Variants in GSE1 observed in about 807,000 individuals in gnomAD.
The protein encoded by GSE1 is genetic suppressor element 1.
A neutral mutation model predicts 112.6 loss-of-function variants in GSE1; 32 were observed. That is an observed-to-expected ratio of 0.28 (90% CI 0.21 to 0.38). GSE1 has a LOEUF of 0.38. Among genes scored for constraint, GSE1 ranks in the 10% least tolerant of loss-of-function variants. The pLI, the probability that GSE1 is intolerant of heterozygous loss-of-function variation, is 1.00. For missense variants in GSE1, 2,348 were observed against 1,699.2 expected, an observed-to-expected ratio of 1.38 and a Z score of -6.71; for synonymous variants, 1,115 against 735.6, an observed-to-expected ratio of 1.52 and a Z score of -8.35.
chr16:85,538,472 C>A lies in GSE1; in HGVS notation c.2465-95442C>A, dbSNP rs573141526. 3.0e-4 allele frequency among the ~76,000 whole-genome samples: 45 copies of A among 152,306 alleles called. 1 individual carries two copies. In the South Asian group the frequency reaches 9.1e-3, roughly 31 times the overall value. ...ACAAATTCCCTTCAGTCCCCAGCAG[C>A]CTTTCACCTCCTGGCATGTACCGTC... On this transcript the variant is annotated intron_variant, in intron 2 of 2. Transcript: ENST00000637419.
chr16:85,385,719 C>T (rs191683224), intron 2 of GSE1, among the ~76,000 whole-genome samples: 39 of 152,346 alleles, frequency 2.6e-4, no homozygotes, highest in African/African-American at 8.4e-4. Flanking sequence ...GCGAGGCAGC[C>T]GGCCATCCAT....
chr16:85,555,010 C>T (rs933632165), upstream of GSE1: 4 of 985,202 alleles, frequency 4.1e-6, no homozygotes, highest in South Asian at 4.7e-5. Flanking sequence ...CCGCCCGGCT[C>T]GGCGGCCGCG....
At chr16:85,571,224 C>T (rs1270833987) in intron 1 of GSE1, among the ~76,000 whole-genome samples, 4 of 152,212 alleles carry the variant, frequency 2.6e-5, no homozygotes, top group Non-Finnish European at 5.9e-5. Context: ...AAGGCCCGGG[C>T]GGCATCAGTG....
At chr16:85,397,534 C>T (rs181202459) in intron 2 of GSE1, among the ~76,000 whole-genome samples, 13 of 152,340 alleles carry the variant, frequency 8.5e-5, no homozygotes, top group East Asian at 7.7e-4. Flanking sequence ...GTCTGCCCCC[C>T]GCCGCTGCCT....
chr16:85,433,080 T>G (rs2049159533), intron 2 of GSE1, among the ~76,000 whole-genome samples: 2 of 151,842 alleles, frequency 1.3e-5, no homozygotes, highest in African/African-American at 4.8e-5. Context: ...CAACTTGGAA[T>G]GGGGCTCAGG....
At chr16:85,513,456 C>T (rs11648681) in intron 2 of GSE1, among the ~76,000 whole-genome samples, 1 of 152,112 alleles carries the variant, frequency 6.6e-6, no homozygotes, top group Non-Finnish European at 1.5e-5. Context: ...CACTAGCCGT[C>T]CCCACTGTGG....
At chr16:85,399,206 T>G (rs1348848110) in intron 2 of GSE1, among the ~76,000 whole-genome samples, 2 of 152,154 alleles carry the variant, frequency 1.3e-5, no homozygotes, top group Admixed American at 1.3e-4. Context: ...TGTGGTGCTG[T>G]GGGGAGCCCT....
At chr16:85,404,316 CT>C in intron 2 of GSE1, among the ~76,000 whole-genome samples, 1 of 84,198 alleles carries the variant, frequency 1.2e-5, no homozygotes. Flanking sequence ...ATAATCCTCA[CT>C]CTTACACTCA....
At chr16:85,323,121 G>A (rs1847564729) in intron 1 of GSE1, among the ~76,000 whole-genome samples, 1 of 152,168 alleles carries the variant, frequency 6.6e-6, no homozygotes, top group African/African-American at 2.4e-5. Flanking sequence ...GTGGTTCGTG[G>A]TGGAGACAGA....
chr16:85,570,894 CAGGT>C (rs923511232), intron 1 of GSE1, among the ~76,000 whole-genome samples: 5 of 152,208 alleles, frequency 3.3e-5, no homozygotes, highest in Non-Finnish European at 5.9e-5. Context: ...TGGAAGGATA[CAGGT>C]AACTCCAGGC....
rs6539966 is a variant in GSE1 at position 85,640,577 on chromosome 16, C to G, written c.226+6445C>G. On this transcript the variant is annotated intron_variant, in intron 2 of 15. Transcript: ENST00000253458. ...GGTGCCACCTGAAACCGAGATCCCACCTGAGTGAGTGGGGACTACGTGTGC... is the reference window on the plus strand; with the variant it reads ...GGTGCCACCTGAAACCGAGATCCCAGCTGAGTGAGTGGGGACTACGTGTGC... Among the ~76,000 whole-genome samples the G allele has an allele frequency of 3.5e-4, 53 of 152,366 alleles. No homozygotes were observed. In the South Asian group the frequency reaches 4.6e-3, roughly 13 times the overall value.
intron 2 of GSE1, among the ~76,000 whole-genome samples, chr16:85,403,961 T>A (rs1476173834): frequency 2.6e-5 from 4 of 152,162 alleles, no homozygotes; most frequent in Non-Finnish European, 5.9e-5. Context: ...CCAGGGCTTG[T>A]GGCCGCTCAC....
chr16:85,395,465 A>G (rs982297940), intron 2 of GSE1, among the ~76,000 whole-genome samples: 1 of 152,110 alleles, frequency 6.6e-6, no homozygotes, highest in African/African-American at 2.4e-5. Flanking sequence ...TGGAGCCGAG[A>G]TGCAAAGGGG....
chr16:85,349,488 T>A (rs574790748), intron 1 of GSE1, among the ~76,000 whole-genome samples: 80 of 152,068 alleles, frequency 5.3e-4, no homozygotes, highest in African/African-American at 1.8e-3. Context: ...CTTCTCTCCC[T>A]CCCTGGCAGA....
Position 85,432,440 on chromosome 16 carries a change from T to A in GSE1, c.2464+74797T>A, listed in dbSNP as rs529471417. On this transcript the variant is annotated intron_variant, in intron 2 of 2. Coordinates refer to the GSE1 transcript ENST00000637419. ...GAGGGAGAGAATGAGCTTGAAGCTC[T>A]GACCCAGCCCACTGTCTCCCAGGTG... Among the ~76,000 whole-genome samples the A allele has an allele frequency of 1.4e-4, 22 of 152,360 alleles. 1 individual carries two copies. In the South Asian group the frequency reaches 4.3e-3, roughly 30 times the overall value.
intron 1 of GSE1, among the ~76,000 whole-genome samples, chr16:85,255,552 C>G (rs1328451290): frequency 6.6e-6 from 1 of 152,014 alleles, no homozygotes; most frequent in Non-Finnish European, 1.5e-5. Flanking sequence ...GCTGGGATTA[C>G]AGGCGCCCAC....
intron 2 of GSE1, among the ~76,000 whole-genome samples, chr16:85,426,831 C>T (rs2049005874): frequency 6.6e-6 from 1 of 152,146 alleles, no homozygotes; most frequent in Non-Finnish European, 1.5e-5. Context: ...CTGGCTTCAG[C>T]CCACTTCTGG....
intron 2 of GSE1, among the ~76,000 whole-genome samples, chr16:85,464,698 GCTC>G (rs1439724618): frequency 3.9e-5 from 6 of 152,238 alleles, no homozygotes; most frequent in African/African-American, 1.4e-4. Flanking sequence ...ATCCTGTGCT[GCTC>G]CTCCTCTGCC....
chr16:85,621,097 GA>G (rs968459975), intron 1 of GSE1, among the ~76,000 whole-genome samples: 20 of 151,852 alleles, frequency 1.3e-4, no homozygotes, highest in African/African-American at 4.4e-4. Flanking sequence ...CACTGTTGGG[GA>G]ACCCGTGTAG....
Sources: allele counts gnomAD v4.1 joint callset (sites outside exome capture counted in the v4.1 genomes callset), GRCh38; gene constraint gnomAD v4.1.1; transcripts MANE v1.5; gene names NCBI Gene and HGNC (gene_info 2026-07-23, HGNC 2026-07-21).